Variants in RBM19 observed in about 807,000 individuals in gnomAD.
RBM19 encodes the protein probable RNA-binding protein 19.
A neutral mutation model predicts 116.8 loss-of-function variants in RBM19; 94 were observed. The ratio of observed to expected loss-of-function variants is 0.80; its 90% confidence interval spans 0.68 to 0.95. RBM19 has a LOEUF of 0.95. RBM19 is among the 40% of genes least tolerant of loss of function. The pLI is 0.00. For synonymous variants in RBM19, 475 were observed against 494.1 expected, an observed-to-expected ratio of 0.96 and a Z score of 0.51; for missense variants, 1,161 against 1,220.7, an observed-to-expected ratio of 0.95 and a Z score of 0.73.
chr12:113,912,893 G>A (rs1037937436), intron 21 of RBM19, among the ~76,000 whole-genome samples: 1 of 152,140 alleles, frequency 6.6e-6, no homozygotes, highest in African/African-American at 2.4e-5. Flanking sequence ...AGCGACCCCT[G>A]CTGTCTGCAA....
intron 23 of RBM19, among the ~76,000 whole-genome samples, chr12:113,823,623 C>T (rs926738247): frequency 1.3e-5 from 2 of 152,054 alleles, no homozygotes; most frequent in South Asian, 2.1e-4. Context: ...ATCACCATGG[C>T]GGGGCTGCCT....
Position 113,945,934 on chromosome 12 carries a change from A to G in RBM19, c.1530-10T>C. 1 of 1,547,648 alleles carries G rather than the reference A, an allele frequency of 6.5e-7. No individual in the cohort carries two copies. The highest frequency in any genetic ancestry group is 8.9e-7 in the Non-Finnish European group (1 of 1,119,706). On this transcript the variant is annotated splice_polypyrimidine_tract_variant and intron_variant, in intron 12 of 23. Transcript: ENST00000261741. Reference sequence around the variant, plus strand: ...GTTCCAGTTGTGAGAGCTAAGAGGCAGAGGCAGAACAGGGAGATCAGACCG... The same window carrying G: ...GTTCCAGTTGTGAGAGCTAAGAGGCGGAGGCAGAACAGGGAGATCAGACCG...
chr12:113,836,843 CGT>C lies in RBM19; in HGVS notation c.2785+7823_2785+7824del, dbSNP rs1875950375. On this transcript the variant is annotated intron_variant, in intron 23 of 23. Coordinates refer to ENST00000261741, the MANE Select transcript of RBM19 (RefSeq NM_016196.4). ...ACATACATACACACACACACACACACGTGTCCCAAGCAATGCTTATGTGTCAG... is the reference window on the plus strand; with the variant it reads ...ACATACATACACACACACACACACACGTCCCAAGCAATGCTTATGTGTCAG... Among the ~76,000 whole-genome samples the C allele has an allele frequency of 2.0e-4, 29 of 143,522 alleles. 1 individual carries two copies. The highest frequency in any genetic ancestry group is 3.6e-3 in the Middle Eastern group (1 of 280). 94.2% of individuals were successfully genotyped at this position (143,522 alleles called of 152,430 possible). A position where few individuals can be genotyped will look rare whatever the true frequency, so the allele number is the denominator to read the frequency against.
Position 113,905,064 on chromosome 12 carries a change from C to T in RBM19, c.2558+9905G>A, listed in dbSNP as rs142220863. ...AAAAACCCCCTCTTGGGTCTCCTCACACCTGCTAGTCCCCCTGAGAGACTT... is the reference window on the plus strand; with the variant it reads ...AAAAACCCCCTCTTGGGTCTCCTCATACCTGCTAGTCCCCCTGAGAGACTT... On this transcript the variant is annotated intron_variant, in intron 21 of 23. Transcript: ENST00000261741. Among the ~76,000 whole-genome samples the T allele has an allele frequency of 2.6e-3, 389 of 152,334 alleles. 3 individuals carry two copies. Among genetic ancestry groups the T allele is most frequent in the Admixed American group, 0.013 (201 of 15,300 alleles).
At chr12:113,818,816 C>T (rs147370495), downstream of RBM19, among the ~76,000 whole-genome samples, 8 of 152,276 alleles carry the variant, frequency 5.3e-5, no homozygotes, top group East Asian at 1.5e-3. Context: ...TCACTCCTGT[C>T]CCTCCTCCAG....
chr12:113,962,967 G>A (rs1159475703), intron 1 of RBM19, among the ~76,000 whole-genome samples: 1 of 152,160 alleles, frequency 6.6e-6, no homozygotes, highest in African/African-American at 2.4e-5. Context: ...TTATGAGAGG[G>A]AGGCGGGAAG....
intron 1 of RBM19, among the ~76,000 whole-genome samples, chr12:113,963,431 A>C (rs555522417): frequency 6.6e-6 from 1 of 152,316 alleles, no homozygotes; most frequent in Admixed American, 6.5e-5. Flanking sequence ...AACAGCCAAA[A>C]TAAGTTTGAA....
At chr12:113,823,441 G>A (rs2135675360) in intron 23 of RBM19, 120 bp from the exon 24 acceptor site, 1 of 790,564 alleles carries the variant, frequency 1.3e-6, no homozygotes, top group East Asian at 2.7e-5. Flanking sequence ...AAGGGTGCGG[G>A]GAGACAGAAC....
At chr12:113,964,539 G>A (rs549244057) in intron 1 of RBM19, among the ~76,000 whole-genome samples, 3 of 152,250 alleles carry the variant, frequency 2.0e-5, no homozygotes, top group East Asian at 1.9e-4. Context: ...AATCCTCATC[G>A]CACAAAGCAA....
At position 113,823,140 on chromosome 12, in the gene RBM19, A is replaced by C; in HGVS notation, c.*84T>G. On this transcript the variant is annotated 3_prime_UTR_variant, in exon 24 of 24. Transcript: ENST00000261741. The stretch of plus-strand genomic sequence containing the variant: ...CCTGCCGCTCCCCGCCCCGCCCCCC[A>C]GCCCACATGGTGGTGAGTGCAGAAG... 183 of 1,050,322 alleles carry C rather than the reference A, an allele frequency of 1.7e-4. No individual in the cohort carries two copies. The highest frequency in any genetic ancestry group is 3.7e-4 in the East Asian group (13 of 35,476). The allele number at this position is 1,050,322 out of a possible 1,614,324, so 65.1% of individuals were successfully genotyped here.
intron 20 of RBM19, among the ~76,000 whole-genome samples, chr12:113,916,539 G>T (rs954569144): frequency 6.6e-6 from 1 of 152,212 alleles, no homozygotes; most frequent in Non-Finnish European, 1.5e-5. Context: ...CTGTATCAGG[G>T]CAGGTCTGGG....
At chr12:113,952,408 G>A (rs1871545111) in intron 8 of RBM19, 104 bp downstream of exon 8, 2 of 1,047,502 alleles carry the variant, frequency 1.9e-6, no homozygotes, top group Non-Finnish European at 2.9e-6. Flanking sequence ...CCACAAACAG[G>A]AAGAAAAACG....
chr12:113,827,011 T>G (rs958321728), intron 23 of RBM19, among the ~76,000 whole-genome samples: 1 of 152,126 alleles, frequency 6.6e-6, no homozygotes, highest in Non-Finnish European at 1.5e-5. Context: ...CTGGAGGACA[T>G]GTCAGGCCCC....
At chr12:113,830,576 G>A (rs930705951) in intron 23 of RBM19, among the ~76,000 whole-genome samples, 4 of 58,190 alleles carry the variant, frequency 6.9e-5, no homozygotes, top group Admixed American at 1.7e-4. Flanking sequence ...GCTGCGGGGC[G>A]GGGGGGGGGG....
intron 22 of RBM19, among the ~76,000 whole-genome samples, chr12:113,855,006 C>A (rs987975466): frequency 1.3e-5 from 2 of 152,232 alleles, no homozygotes; most frequent in Non-Finnish European, 2.9e-5. Context: ...CTTTGAGGAG[C>A]CTCTGGCTAG....
intron 22 of RBM19, among the ~76,000 whole-genome samples, chr12:113,847,169 A>G (rs752829430): frequency 2.6e-5 from 4 of 152,260 alleles, no homozygotes; most frequent in Non-Finnish European, 5.9e-5. Flanking sequence ...AAACGAGCAC[A>G]GAGGGCAGCA....
intron 21 of RBM19, among the ~76,000 whole-genome samples, chr12:113,905,000 C>G (rs1171227765): frequency 6.6e-6 from 1 of 152,226 alleles, no homozygotes; most frequent in Non-Finnish European, 1.5e-5. Context: ...GTGGCTGACG[C>G]CTGGTCCAAG....
intron 16 of RBM19, among the ~76,000 whole-genome samples, chr12:113,930,103 TG>T (rs35605719): frequency 2.6e-4 from 40 of 152,360 alleles, no homozygotes; most frequent in African/African-American, 9.1e-4. Context: ...GGCAACTTAA[TG>T]GCAAGTGACT....
At chr12:113,951,988 G>T (rs1246578616) in intron 8 of RBM19, among the ~76,000 whole-genome samples, 1 of 152,216 alleles carries the variant, frequency 6.6e-6, no homozygotes, top group Admixed American at 6.5e-5. Context: ...AAGTAGGCAC[G>T]GACAGGTGCC....
Sources: allele counts gnomAD v4.1 joint callset (sites outside exome capture counted in the v4.1 genomes callset), GRCh38; gene constraint gnomAD v4.1.1; transcripts MANE v1.5; gene names NCBI Gene and HGNC (gene_info 2026-07-23, HGNC 2026-07-21).